Variants in GNA12 observed in about 807,000 individuals in gnomAD.
GNA12 encodes G protein subunit alpha 12, also known as guanine nucleotide-binding protein subunit alpha-12.
GNA12 carries 9 observed loss-of-function variants against 26.0 expected under a neutral mutation model. The ratio of observed to expected loss-of-function variants is 0.35; its 90% CI spans 0.21 to 0.60. The LOEUF is 0.60. Ranked by LOEUF, GNA12 falls within the 20% of genes least tolerant of loss-of-function variation. The pLI is 0.78. For synonymous variants in GNA12, 264 were observed against 219.6 expected (o/e 1.20, Z -1.79); for missense variants, 405 against 525.8 (o/e 0.77, Z 2.25).
intron 1 of GNA12, among the ~76,000 whole-genome samples, chr7:2,822,818 AAAAG>A (rs1793398081): frequency 6.6e-6 from 1 of 152,212 alleles, no homozygotes; most frequent in Admixed American, 6.5e-5. Flanking sequence ...TTTCCAAAAG[AAAAG>A]AAAGATTTAA....
At chr7:2,808,307 A>G (rs1413338904) in intron 1 of GNA12, among the ~76,000 whole-genome samples, 3 of 152,184 alleles carry the variant, frequency 2.0e-5, no homozygotes, top group African/African-American at 2.4e-5. Context: ...ACTTGGGTTA[A>G]GCCAGAGCTG....
chr7:2,814,937 T>G (rs1240385044), intron 1 of GNA12: 1 of 1,585,974 alleles, frequency 6.3e-7, no homozygotes, highest in Non-Finnish European at 8.6e-7. Context: ...TCATTTCAAA[T>G]GCCTACAATA....
chr7:2,809,470 C>T (rs1793027143), intron 1 of GNA12, among the ~76,000 whole-genome samples: 1 of 152,126 alleles, frequency 6.6e-6, no homozygotes, highest in Non-Finnish European at 1.5e-5. Flanking sequence ...CCTATGATGA[C>T]TCATTATTGA....
At chr7:2,754,269 A>G (rs1197473389) in intron 2 of GNA12, among the ~76,000 whole-genome samples, 1 of 152,164 alleles carries the variant, frequency 6.6e-6, no homozygotes, top group Non-Finnish European at 1.5e-5. Flanking sequence ...CTTATGTGCC[A>G]TCGGCATGTC....
In GNA12 at chr7:2,745,506, A is replaced by G. The variant is rs11975482; in HGVS notation, c.526-12005T>C. Among the ~76,000 whole-genome samples, 700 of 152,240 alleles carry G rather than the reference A, an allele frequency of 4.6e-3. 8 individuals are homozygous for G. Among genetic ancestry groups the G allele is most frequent in the African/African-American group, 0.016 (660 of 41,544 alleles). ...TCACCACCAGGCCTGCCCTAAAAGA[A>G]CTCCTGAAGGAAGTGCTAAACATGG... On this transcript the variant is annotated intron_variant, in intron 2 of 3. Coordinates refer to ENST00000275364, the MANE Select transcript of GNA12 (RefSeq NM_007353.3).
intron 2 of GNA12, among the ~76,000 whole-genome samples, chr7:2,783,436 C>A (rs751811315): frequency 6.6e-6 from 1 of 152,126 alleles, no homozygotes; most frequent in South Asian, 2.1e-4. Context: ...CCTCTTTGTG[C>A]GTATCCTTTC....
chr7:2,838,165 G>A (rs1360036437), intron 1 of GNA12, among the ~76,000 whole-genome samples: 1 of 151,784 alleles, frequency 6.6e-6, no homozygotes, highest in African/African-American at 2.4e-5. Context: ...AATCAGCCAG[G>A]GAGGACAGTT....
intron 2 of GNA12, among the ~76,000 whole-genome samples, chr7:2,779,743 A>G (rs1046866055): frequency 4.0e-5 from 6 of 151,836 alleles, no homozygotes; most frequent in African/African-American, 1.5e-4. Context: ...GATTACAGAC[A>G]TGTACCACCA....
chr7:2,808,120 T>C (rs1376486679), intron 1 of GNA12, among the ~76,000 whole-genome samples: 2 of 152,250 alleles, frequency 1.3e-5, no homozygotes, highest in African/African-American at 4.8e-5. Flanking sequence ...AAAATCTTAA[T>C]TTATGCTTCA....
intron 1 of GNA12, among the ~76,000 whole-genome samples, chr7:2,812,636 A>AACATCACATCATC (rs1554262402): frequency 7.5e-6 from 1 of 134,094 alleles, no homozygotes; most frequent in Admixed American, 7.8e-5. Flanking sequence ...TCTCAAAAAT[A>AACATCACATCATC]ACATCACATC....
At chr7:2,774,171 C>T (rs993728521) in intron 2 of GNA12, among the ~76,000 whole-genome samples, 2 of 151,968 alleles carry the variant, frequency 1.3e-5, no homozygotes, top group Non-Finnish European at 2.9e-5. Context: ...CCTGAGCTGG[C>T]GGCAGGTCAC....
chr7:2,752,886 A>G (rs1056596351), intron 2 of GNA12, among the ~76,000 whole-genome samples: 5 of 152,136 alleles, frequency 3.3e-5, no homozygotes, highest in African/African-American at 1.2e-4. Flanking sequence ...CGTTAGTACA[A>G]TGTGTGTGTG....
intron 2 of GNA12, among the ~76,000 whole-genome samples, chr7:2,760,996 A>C (rs1791527587): frequency 6.6e-6 from 1 of 152,192 alleles, no homozygotes; most frequent in Non-Finnish European, 1.5e-5. Flanking sequence ...CAGTCCTCAC[A>C]GTTCATGGGT....
At chr7:2,766,632 C>G (rs1791811579) in intron 2 of GNA12, among the ~76,000 whole-genome samples, 1 of 152,164 alleles carries the variant, frequency 6.6e-6, no homozygotes, top group Admixed American at 6.5e-5. Context: ...GCAATCCACC[C>G]ACCTCGGTCT....
At chr7:2,788,688 G>C (rs1302728388) in intron 2 of GNA12, among the ~76,000 whole-genome samples, 1 of 152,224 alleles carries the variant, frequency 6.6e-6, no homozygotes, top group Non-Finnish European at 1.5e-5. Flanking sequence ...GTGCAGCCAG[G>C]AAAGAAGCAG....
intron 2 of GNA12, among the ~76,000 whole-genome samples, chr7:2,759,136 T>A (rs1791436582): frequency 7.2e-6 from 1 of 138,678 alleles, no homozygotes; most frequent in Non-Finnish European, 1.6e-5. Context: ...CAAAACACTG[T>A]CTCAAAATAA....
At chr7:2,829,305 A>G (rs1793550299) in intron 1 of GNA12, among the ~76,000 whole-genome samples, 1 of 152,172 alleles carries the variant, frequency 6.6e-6, no homozygotes, top group South Asian at 2.1e-4. Context: ...GAGAGATAAG[A>G]AAAACTAAGG....
intron 1 of GNA12, among the ~76,000 whole-genome samples, chr7:2,811,834 C>T (rs140963119): frequency 1.1e-3 from 172 of 152,344 alleles, no homozygotes; most frequent in African/African-American, 3.9e-3. Flanking sequence ...AAAGACAGTC[C>T]GGCAGGCCAC....
chr7:2,779,239 A>G (rs1333187069), intron 2 of GNA12, among the ~76,000 whole-genome samples: 1 of 152,052 alleles, frequency 6.6e-6, no homozygotes, highest in African/African-American at 2.4e-5. Context: ...TCCCCCAGCT[A>G]CTCAGGAGGC....
Sources: allele counts gnomAD v4.1 joint callset (sites outside exome capture counted in the v4.1 genomes callset), GRCh38; gene constraint gnomAD v4.1.1; transcripts MANE v1.5; gene names NCBI Gene and HGNC (gene_info 2026-07-23, HGNC 2026-07-21).